Variants in PIP4K2A observed in about 807,000 individuals in gnomAD.
The protein encoded by PIP4K2A is phosphatidylinositol 5-phosphate 4-kinase type-2 alpha.
A neutral mutation model predicts 42.9 loss-of-function variants in PIP4K2A; 14 were observed. The ratio of observed to expected loss-of-function variants is 0.33; its 90% CI spans 0.22 to 0.51. The LOEUF is 0.51. PIP4K2A is among the 20% of genes least tolerant of loss of function. The pLI, the probability that PIP4K2A is intolerant of heterozygous loss-of-function variation, is 0.97. For synonymous variants in PIP4K2A, 192 were observed against 192.2 expected, an observed-to-expected ratio of 1.00 and a Z score of 0.01; for missense variants, 434 against 519.8, an observed-to-expected ratio of 0.83 and a Z score of 1.61.
chr10:22,537,205 G>A lies in PIP4K2A; in HGVS notation c.1217C>T (p.Thr406Met), dbSNP rs748330800. The A allele has an allele frequency of 2.0e-5, 32 of 1,601,518 alleles. No individual in the cohort carries two copies. The highest frequency in any genetic ancestry group is 4.0e-5 in the African/African-American group (3 of 74,530). The change falls in exon 10 of 10, where the codon ACG becomes ATG. Residue 406 changes from threonine to methionine, a missense_variant. By Grantham distance (81) the Thr-to-Met change is moderately conservative. This residue lies in a region of PIP4K2A where 39 missense variants were observed against 75.3 expected (regional missense o/e 0.52). Transcript: ENST00000376573. ...RFLDFIGHIL[T>M] Reference sequence around the variant, plus strand: ...TGTCCGAGGCTGCGCAGGAGGTTACGTCAAGATGTGGCCAATAAAGTCCAA... The same window carrying A: ...TGTCCGAGGCTGCGCAGGAGGTTACATCAAGATGTGGCCAATAAAGTCCAA...
At chr10:22,662,173 T>C (rs1461870049) in intron 1 of PIP4K2A, among the ~76,000 whole-genome samples, 1 of 152,248 alleles carries the variant, frequency 6.6e-6, no homozygotes, top group African/African-American at 2.4e-5. Context: ...ATTTGCCAGA[T>C]TCTGTACGCT....
intron 6 of PIP4K2A, among the ~76,000 whole-genome samples, chr10:22,553,789 CTTTTTTTTTTTT>C (rs3074629): frequency 1.0e-3 from 118 of 118,542 alleles, no homozygotes; most frequent in Non-Finnish European, 1.7e-3. Context: ...GGTTGAAAAA[CTTTTTTTTTTTT>C]TTTTTTTTTT....
intron 1 of PIP4K2A, among the ~76,000 whole-genome samples, chr10:22,662,547 T>C (rs1425833447): frequency 6.6e-6 from 1 of 152,248 alleles, no homozygotes; most frequent in East Asian, 1.9e-4. Flanking sequence ...AGTGTTCAGC[T>C]TTGCCCTTTA....
At chr10:22,633,761 C>A (rs1285811952) in intron 1 of PIP4K2A, among the ~76,000 whole-genome samples, 1 of 152,224 alleles carries the variant, frequency 6.6e-6, no homozygotes, top group East Asian at 1.9e-4. Flanking sequence ...ATGCTAAACA[C>A]TCGCATGTAG....
chr10:22,646,369 T>C (rs756556573), intron 1 of PIP4K2A: 3 of 152,218 alleles, frequency 2.0e-5, no homozygotes, highest in Non-Finnish European at 4.4e-5. Flanking sequence ...TCATGGCCTT[T>C]TGCTGCATTT....
intron 1 of PIP4K2A, among the ~76,000 whole-genome samples, chr10:22,611,635 T>C (rs560625751): frequency 5.3e-5 from 8 of 152,322 alleles, no homozygotes; most frequent in South Asian, 2.1e-4. Context: ...TCTAACGTCA[T>C]ATAGCTTCTC....
At chr10:22,584,018 C>T (rs1259544578) in intron 4 of PIP4K2A, among the ~76,000 whole-genome samples, 1 of 152,230 alleles carries the variant, frequency 6.6e-6, no homozygotes, top group African/African-American at 2.4e-5. Context: ...TCACTTCTTT[C>T]CTCTTCCCTA....
intron 1 of PIP4K2A, among the ~76,000 whole-genome samples, chr10:22,613,088 G>C (rs1251642321): frequency 6.6e-6 from 1 of 152,176 alleles, no homozygotes; most frequent in Non-Finnish European, 1.5e-5. Context: ...CCCAATGGGA[G>C]TGAAGGGAAA....
intron 1 of PIP4K2A, among the ~76,000 whole-genome samples, chr10:22,697,618 C>T (rs1839996986): frequency 6.6e-6 from 1 of 152,130 alleles, no homozygotes; most frequent in African/African-American, 2.4e-5. Context: ...CCAGCTATTA[C>T]AGGAGGCTGA....
chr10:22,707,619 TGAGCTTGGCCCA>T (rs1833845499), intron 1 of PIP4K2A, among the ~76,000 whole-genome samples: 1 of 152,230 alleles, frequency 6.6e-6, no homozygotes, highest in Non-Finnish European at 1.5e-5. Flanking sequence ...GAATGATTCC[TGAGCTTGGCCCA>T]GGCAGCACAG....
intron 1 of PIP4K2A, among the ~76,000 whole-genome samples, chr10:22,712,070 T>G (rs1833920170): frequency 6.6e-6 from 1 of 152,202 alleles, no homozygotes; most frequent in Non-Finnish European, 1.5e-5. Flanking sequence ...GTAACATGCT[T>G]ACATTTATAT....
chr10:22,536,980 AC>A lies in PIP4K2A; in HGVS notation c.*220del. Reference sequence around the variant, plus strand: ...TCACCCCCCCCCAACACACACACACACACATATACACAAAGTCAGAAATAGC... The same window carrying A: ...TCACCCCCCCCCAACACACACACACAACATATACACAAAGTCAGAAATAGC... On this transcript the variant is annotated 3_prime_UTR_variant, in exon 10 of 10. Transcript: ENST00000376573. 2.6e-6 allele frequency: 1 copy of A among 389,896 alleles called. No individual in the cohort carries two copies. The allele number at this position is 389,896 out of a possible 1,614,324, so 24.2% of individuals were successfully genotyped here. A position where few individuals can be genotyped will look rare whatever the true frequency, so the allele number is the denominator to read the frequency against.
intron 1 of PIP4K2A, chr10:22,661,956 A>T (rs1028668216): frequency 1.3e-5 from 2 of 152,218 alleles, no homozygotes; most frequent in Non-Finnish European, 2.9e-5. Context: ...GTGATGTGAA[A>T]GGAATTCTGT....
At chr10:22,558,763 TTATG>T (rs1836614177) in intron 6 of PIP4K2A, among the ~76,000 whole-genome samples, 2 of 152,182 alleles carry the variant, frequency 1.3e-5, no homozygotes, top group African/African-American at 4.8e-5. Context: ...TTGAATCTGT[TTATG>T]TATGAATGTG....
chr10:22,710,407 C>T (rs1833893421), intron 1 of PIP4K2A, among the ~76,000 whole-genome samples: 1 of 152,224 alleles, frequency 6.6e-6, no homozygotes, highest in Non-Finnish European at 1.5e-5. Context: ...CAAGGGACGG[C>T]CACAAATGAC....
At chr10:22,614,512 T>C (rs1041694557) in intron 1 of PIP4K2A, among the ~76,000 whole-genome samples, 4 of 152,196 alleles carry the variant, frequency 2.6e-5, no homozygotes, top group Admixed American at 1.3e-4. Flanking sequence ...CCCCTCCGGA[T>C]TCCCCCCAGA....
At position 22,662,777 on chromosome 10, in the gene PIP4K2A, C is replaced by T. The variant is rs982848267; in HGVS notation, c.144+51406G>A. 2.6e-5 allele frequency among the ~76,000 whole-genome samples: 4 copies of T among 152,174 alleles called. No homozygotes were observed. In the South Asian group the frequency reaches 6.2e-4, roughly 24 times the overall value. ...GCAAGGAATTAACTAAAACTCCCCC[C>T]GCCACAATGGTGAGGACACCCAAAG... On this transcript the variant is annotated intron_variant, in intron 1 of 9. Transcript: ENST00000376573.
chr10:22,674,864 G>C (rs565203105), intron 1 of PIP4K2A, among the ~76,000 whole-genome samples: 1 of 152,230 alleles, frequency 6.6e-6, no homozygotes, highest in African/African-American at 2.4e-5. Flanking sequence ...TCAGCAGGCT[G>C]AGGCAGGAAG....
At chr10:22,665,755 G>C (rs1261031567) in intron 1 of PIP4K2A, among the ~76,000 whole-genome samples, 1 of 151,450 alleles carries the variant, frequency 6.6e-6, no homozygotes, top group Non-Finnish European at 1.5e-5. Flanking sequence ...CACCTGGCCT[G>C]TTTCCAATGT....
Sources: allele counts gnomAD v4.1 joint callset (sites outside exome capture counted in the v4.1 genomes callset), GRCh38; gene constraint gnomAD v4.1.1; regional missense constraint gnomAD v4.1.1; transcripts MANE v1.5; gene names NCBI Gene and HGNC (gene_info 2026-07-23, HGNC 2026-07-21).